The following PDE9A variants were observed in gnomAD, a reference collection of about 807,000 sequenced individuals.
PDE9A encodes high affinity cGMP-specific 3',5'-cyclic phosphodiesterase 9A.
A neutral mutation model predicts 87.4 loss-of-function variants in PDE9A; 60 were observed. The observed-to-expected ratio is 0.69, with a 90% CI of 0.56 to 0.85. PDE9A has a LOEUF of 0.85. Ranked by LOEUF, PDE9A falls within the 40% of genes least tolerant of loss-of-function variation. The pLI is 0.00. For synonymous variants in PDE9A, 272 were observed against 279.4 expected (o/e 0.97, Z 0.27); for missense variants, 665 against 779.0 (o/e 0.85, Z 1.74).
chr21:42,724,624 A>G, intron 4 of PDE9A: 2 of 983,186 alleles, frequency 2.0e-6, no homozygotes, highest in Non-Finnish European at 2.4e-6. Flanking sequence ...AGTCACATAT[A>G]TTCCATCGGT....
chr21:42,703,076 G>C (rs2048506212), intron 4 of PDE9A, among the ~76,000 whole-genome samples: 1 of 152,236 alleles, frequency 6.6e-6, no homozygotes, highest in Non-Finnish European at 1.5e-5. Context: ...AGGAGCGCAG[G>C]TTCCAGCAGG....
At chr21:42,743,508 G>A (rs958200331) in intron 7 of PDE9A, among the ~76,000 whole-genome samples, 8 of 152,224 alleles carry the variant, frequency 5.3e-5, no homozygotes, top group African/African-American at 1.7e-4. Context: ...GTGGGGAGGA[G>A]CTTCTGCCTT....
rs773535761 is a variant in PDE9A, at chr21:42,747,135, A to G, written c.653+3275A>G. 9.9e-5 allele frequency among the ~76,000 whole-genome samples: 15 copies of G among 152,136 alleles called. 1 individual carries two copies. The highest frequency in any genetic ancestry group is 5.9e-4 in the Admixed American group (9 of 15,276). ...ACATGAAACCCCTTCCTGTTTTTCT[A>G]TGTAGAAAGGAACTCAGAATAGAGA... On this transcript the variant is annotated intron_variant, in intron 8 of 19. Coordinates refer to ENST00000291539, the MANE Select transcript of PDE9A (RefSeq NM_002606.3).
chr21:42,745,001 C>A (rs771467322), intron 8 of PDE9A, among the ~76,000 whole-genome samples: 1 of 152,220 alleles, frequency 6.6e-6, no homozygotes, highest in Non-Finnish European at 1.5e-5. Context: ...CACTGCCCGG[C>A]CTCAGTGGGA....
Position 42,762,116 on chromosome 21 carries a change from C to A in PDE9A, c.1119C>A (p.Val373=), listed in dbSNP as rs766540779. Residue 373 remains valine (V), a synonymous_variant, in exon 14 of 20, where the codon GTC becomes GTA. Transcript: ENST00000291539. ...YQINARTELA[V]RYNDISPLEN... is the part of the protein sequence containing the mutation. The stretch of plus-strand genomic sequence containing the variant: ...TCAATGCCCGCACAGAGCTGGCGGT[C>A]CGCTACAATGACATCTCACCGCTGG... The A allele has an allele frequency of 6.2e-7, 1 of 1,614,114 alleles. No homozygotes were observed. Among genetic ancestry groups the A allele is most frequent in the Non-Finnish European group, 8.5e-7 (1 of 1,179,992 alleles).
chr21:42,721,806 T>C (rs1396136847), intron 4 of PDE9A, among the ~76,000 whole-genome samples: 1 of 151,574 alleles, frequency 6.6e-6, no homozygotes, highest in Admixed American at 6.6e-5. Flanking sequence ...GGGTTGGAGG[T>C]TGGACAAGAG....
At chr21:42,752,085 C>G (rs934985872) in intron 9 of PDE9A, among the ~76,000 whole-genome samples, 1 of 152,072 alleles carries the variant, frequency 6.6e-6, no homozygotes, top group South Asian at 2.1e-4. Flanking sequence ...TCAGGGGGCA[C>G]AGCTTCCAGA....
intron 4 of PDE9A, among the ~76,000 whole-genome samples, chr21:42,708,137 T>A (rs562973063): frequency 1.5e-3 from 224 of 152,314 alleles, no homozygotes; most frequent in African/African-American, 5.2e-3. Context: ...TAGAAGGCTT[T>A]ATAAGCAAAG....
At chr21:42,716,707 T>A (rs1469356964) in intron 4 of PDE9A, among the ~76,000 whole-genome samples, 2 of 151,214 alleles carry the variant, frequency 1.3e-5, no homozygotes, top group East Asian at 3.9e-4. Context: ...GTTTTATATC[T>A]GCATACATTT....
At chr21:42,773,764 G>A (rs893730295) in intron 19 of PDE9A, among the ~76,000 whole-genome samples, 2 of 151,236 alleles carry the variant, frequency 1.3e-5, no homozygotes, top group Non-Finnish European at 2.9e-5. Flanking sequence ...TCGCGCCACT[G>A]CACTCCAGCC....
chr21:42,772,095 T>TC (rs113289823), intron 18 of PDE9A, among the ~76,000 whole-genome samples: 9,374 of 151,138 alleles, frequency 0.062, 986 homozygotes, highest in African/African-American at 0.22. Context: ...GCCTCTGCCT[T>TC]CCCCCCTGTC....
At chr21:42,664,924 G>A (rs959731882) in intron 1 of PDE9A, among the ~76,000 whole-genome samples, 4 of 152,230 alleles carry the variant, frequency 2.6e-5, no homozygotes, top group Non-Finnish European at 4.4e-5. Context: ...CCAAAAAAGT[G>A]GATTTCTGTG....
At chr21:42,680,846 G>A (rs989808485) in intron 1 of PDE9A, among the ~76,000 whole-genome samples, 10 of 152,344 alleles carry the variant, frequency 6.6e-5, no homozygotes, top group Admixed American at 2.0e-4. Flanking sequence ...GGAGCCAGGT[G>A]TTCGTTCTTC....
intron 4 of PDE9A, among the ~76,000 whole-genome samples, chr21:42,701,939 C>T (rs2048419702): frequency 6.6e-6 from 1 of 152,062 alleles, no homozygotes; most frequent in Non-Finnish European, 1.5e-5. Context: ...CACTGGTTTG[C>T]AGGAATTTGA....
chr21:42,710,897 A>G (rs2049271871), intron 4 of PDE9A, among the ~76,000 whole-genome samples: 2 of 152,198 alleles, frequency 1.3e-5, no homozygotes, highest in Admixed American at 6.5e-5. Flanking sequence ...CTGAGGCAGG[A>G]GAATCGCTTG....
rs1047730069 is a variant in PDE9A, at chr21:42,692,417, G to A, written c.218+4423G>A. Among the ~76,000 whole-genome samples, 6 of 152,164 alleles carry A rather than the reference G, an allele frequency of 3.9e-5. No homozygotes were observed. The highest frequency in any genetic ancestry group is 9.7e-5 in the African/African-American group (4 of 41,436). On this transcript the variant is annotated intron_variant, in intron 3 of 19. Transcript: ENST00000291539. This position sits in a 1 kb window ranked among gnomAD's most constrained non-coding sequence, Gnocchi z 4.3. ...GACACACGTGGCCGGAGACATCAGC[G>A]GTGCTGAGGCGGAGCACCTGGTGTC...
rs573769711 is a variant in PDE9A at position 42,706,109 on chromosome 21, G to A, written c.262+7098G>A. On this transcript the variant is annotated intron_variant, in intron 4 of 19. Coordinates refer to ENST00000291539, the MANE Select transcript of PDE9A (RefSeq NM_002606.3). ...GTGCCCCACAACATGCATGTGGAGA[G>A]GTTTTGGGGGCAGCCATGGAACCCC... 5.8e-4 allele frequency among the ~76,000 whole-genome samples: 88 copies of A among 152,326 alleles called. 1 individual carries two copies. Among genetic ancestry groups the A allele is most frequent in the African/African-American group, 2.0e-3 (83 of 41,586 alleles).
In PDE9A at chr21:42,754,028, G is replaced by A. The variant is rs2054733310; in HGVS notation, c.774G>A (p.Lys258=). ...LSPETIEALR[K]PTFDVWLWEP... is the part of the protein sequence containing the mutation. The stretch of plus-strand genomic sequence containing the variant: ...CAGAGACCATCGAGGCCCTGCGGAA[G>A]CCGACCTTTGACGTCTGGCTTTGGG... Residue 258 remains lysine (K), a synonymous_variant, in exon 10 of 20, where the codon AAG becomes AAA. Coordinates refer to ENST00000291539, the MANE Select transcript of PDE9A (RefSeq NM_002606.3). The A allele has an allele frequency of 9.9e-6, 16 of 1,613,672 alleles. No homozygotes were observed. Among genetic ancestry groups the A allele is most frequent in the African/African-American group, 1.3e-5 (1 of 75,018 alleles).
At chr21:42,655,560 G>A (rs2056996214) in intron 1 of PDE9A, among the ~76,000 whole-genome samples, 1 of 152,192 alleles carries the variant, frequency 6.6e-6, no homozygotes. Context: ...CTTTGCGGGG[G>A]AGAGGCGGAT....
Sources: allele counts gnomAD v4.1 joint callset (sites outside exome capture counted in the v4.1 genomes callset), GRCh38; gene constraint gnomAD v4.1.1; non-coding constraint Gnocchi (gnomAD v3.1); transcripts MANE v1.5; gene names NCBI Gene and HGNC (gene_info 2026-07-23, HGNC 2026-07-21).